Variants in SCHIP1 observed in about 807,000 individuals in gnomAD.
SCHIP1 encodes schwannomin interacting protein 1, also known as schwannomin-interacting protein 1.
Under a neutral mutation model 29.7 loss-of-function variants are expected in SCHIP1, and 8 were observed. The ratio of observed to expected loss-of-function variants is 0.27; its 90% CI spans 0.16 to 0.49. The LOEUF (loss-of-function observed/expected upper bound fraction) is 0.49. Among genes scored for constraint, SCHIP1 ranks in the 20% least tolerant of loss-of-function variants. The pLI, the probability that SCHIP1 is intolerant of heterozygous loss-of-function variation, is 0.99. For missense variants in SCHIP1, 193 were observed against 294.6 expected, an observed-to-expected ratio of 0.66 and a Z score of 2.52; for synonymous variants, 76 against 94.9, an observed-to-expected ratio of 0.80 and a Z score of 1.16.
chr3:159,769,557 C>T, the SCHIP1 span, among the ~76,000 whole-genome samples: 1 of 152,068 alleles, frequency 6.6e-6, no homozygotes, highest in Admixed American at 6.6e-5. Flanking sequence ...CGAGACCAGC[C>T]TGGCCAACGT....
At chr3:159,454,532 G>A in the SCHIP1 span, among the ~76,000 whole-genome samples, 1 of 152,172 alleles carries the variant, frequency 6.6e-6, no homozygotes, top group South Asian at 2.1e-4. Context: ...AGATCTTGGT[G>A]TCCCCAGTCA....
At chr3:159,597,669 A>G in the SCHIP1 span, among the ~76,000 whole-genome samples, 1 of 152,242 alleles carries the variant, frequency 6.6e-6, no homozygotes, top group Non-Finnish European at 1.5e-5. Context: ...CATTTTATCC[A>G]TTCACGCATT....
chr3:159,641,944 TCAAA>T, the SCHIP1 span, among the ~76,000 whole-genome samples: 2 of 152,168 alleles, frequency 1.3e-5, no homozygotes, highest in Non-Finnish European at 1.5e-5. Flanking sequence ...AACTAGATCT[TCAAA>T]CAGAGTTCAT....
the SCHIP1 span, among the ~76,000 whole-genome samples, chr3:159,457,594 A>G: frequency 7.2e-5 from 11 of 152,222 alleles, no homozygotes; most frequent in East Asian, 2.1e-3. Context: ...CATGTATTAG[A>G]TGTTGATTCA....
At chr3:159,653,094 G>A in the SCHIP1 span, among the ~76,000 whole-genome samples, 1 of 152,200 alleles carries the variant, frequency 6.6e-6, no homozygotes, top group African/African-American at 2.4e-5. Flanking sequence ...CTGTTTGGAT[G>A]CTGGCAAGGC....
chr3:159,646,906 G>A, the SCHIP1 span, among the ~76,000 whole-genome samples: 1 of 152,018 alleles, frequency 6.6e-6, no homozygotes, highest in Non-Finnish European at 1.5e-5. Context: ...CCAGGACCCA[G>A]GGGTACCTAG....
chr3:159,665,546 T>TTGTATGTGTGTGTG, the SCHIP1 span, among the ~76,000 whole-genome samples: 24 of 147,564 alleles, frequency 1.6e-4, no homozygotes, highest in African/African-American at 5.7e-4. Context: ...GTTTTTGGGG[T>TTGTATGTGTGTGTG]TGTGTGTGTG....
At chr3:159,624,799 A>G in the SCHIP1 span, among the ~76,000 whole-genome samples, 3 of 152,164 alleles carry the variant, frequency 2.0e-5, no homozygotes, top group African/African-American at 4.8e-5. Context: ...GAGCCTTCCA[A>G]CGAAAAGGTT....
At chr3:159,894,354 T>C (rs1029354085) in intron 6 of SCHIP1, 3 of 152,234 alleles carry the variant, frequency 2.0e-5, no homozygotes, top group African/African-American at 4.8e-5. Flanking sequence ...CACCTCCATG[T>C]AAATCAGGAC....
chr3:159,733,533 C>A, the SCHIP1 span, among the ~76,000 whole-genome samples: 1 of 152,174 alleles, frequency 6.6e-6, no homozygotes, highest in African/African-American at 2.4e-5. Flanking sequence ...CTCTTTCCTC[C>A]TAGTTGAGTC....
chr3:159,710,051 A>C, the SCHIP1 span, among the ~76,000 whole-genome samples: 1 of 152,228 alleles, frequency 6.6e-6, no homozygotes, highest in African/African-American at 2.4e-5. Context: ...AAAACTAAAA[A>C]TAGTATTACC....
At chr3:159,707,382 C>T in the SCHIP1 span, among the ~76,000 whole-genome samples, 199 of 152,054 alleles carry the variant, frequency 1.3e-3, no homozygotes, top group African/African-American at 4.6e-3. Flanking sequence ...AGTTCTTATC[C>T]GCAAAATTAG....
At chr3:159,762,011 G>A in the SCHIP1 span, among the ~76,000 whole-genome samples, 1 of 152,122 alleles carries the variant, frequency 6.6e-6, no homozygotes, top group South Asian at 2.1e-4. Context: ...AGCTTTTTGT[G>A]ATCTAAGCCA....
chr3:159,874,261 C>T (rs867593434), intron 2 of SCHIP1, among the ~76,000 whole-genome samples: 2 of 152,154 alleles, frequency 1.3e-5, no homozygotes, highest in African/African-American at 4.8e-5. Context: ...ATGATGTGAC[C>T]TGAAATAGGC....
the SCHIP1 span, among the ~76,000 whole-genome samples, chr3:159,547,006 C>A: frequency 1.3e-5 from 2 of 152,166 alleles, no homozygotes; most frequent in Admixed American, 1.3e-4. Flanking sequence ...CACTGTCTTC[C>A]ACAATGGCTC....
At chr3:159,415,204 C>T in the SCHIP1 span, among the ~76,000 whole-genome samples, 1 of 84,954 alleles carries the variant, frequency 1.2e-5, no homozygotes, top group Non-Finnish European at 2.3e-5. Context: ...TTAGTTTGGG[C>T]ACTTAATAGC....
chr3:159,322,654 TG>T, the SCHIP1 span, among the ~76,000 whole-genome samples: 1 of 151,988 alleles, frequency 6.6e-6, no homozygotes, highest in East Asian at 1.9e-4. Flanking sequence ...GAGTGTGAGG[TG>T]GGGTGGGGTT....
the SCHIP1 span, among the ~76,000 whole-genome samples, chr3:159,725,881 T>C: frequency 2.0e-5 from 3 of 152,172 alleles, no homozygotes; most frequent in Non-Finnish European, 2.9e-5. Context: ...AGATCTTTTA[T>C]TAGAATAAAA....
chr3:159,681,686 T>G, the SCHIP1 span, among the ~76,000 whole-genome samples: 1 of 152,252 alleles, frequency 6.6e-6, no homozygotes, highest in East Asian at 1.9e-4. Context: ...TTTCCCTTTT[T>G]CCTGGGCTAT....
Sources: allele counts gnomAD v4.1 joint callset (sites outside exome capture counted in the v4.1 genomes callset), GRCh38; gene constraint gnomAD v4.1.1; transcripts MANE v1.5; gene names NCBI Gene and HGNC (gene_info 2026-07-23, HGNC 2026-07-21).